TMEM150C: variants seen among roughly 807,000 people sequenced by gnomAD.
The protein encoded by TMEM150C is tentonin 3.
Under a neutral mutation model 29.9 loss-of-function variants are expected in TMEM150C, and 10 were observed. That is an observed-to-expected ratio of 0.33 (90% confidence interval 0.21 to 0.57). TMEM150C has a LOEUF of 0.57. TMEM150C is among the 20% of genes least tolerant of loss of function. TMEM150C has a pLI of 0.88. For synonymous variants in TMEM150C, 101 were observed against 112.5 expected, an observed-to-expected ratio of 0.90 and a Z score of 0.64; for missense variants, 251 against 303.6, an observed-to-expected ratio of 0.83 and a Z score of 1.29.
chr4:82,524,545 A>C (rs1470560699), intron 1 of TMEM150C, among the ~76,000 whole-genome samples: 1 of 152,172 alleles, frequency 6.6e-6, no homozygotes, highest in Non-Finnish European at 1.5e-5. Context: ...AATTGTCTTT[A>C]TGATGTCTTT....
chr4:82,503,821 G>A (rs761092635), intron 2 of TMEM150C, among the ~76,000 whole-genome samples: 7 of 151,782 alleles, frequency 4.6e-5, no homozygotes, highest in Non-Finnish European at 8.8e-5. Context: ...CTGCACTTCA[G>A]CCTGGCAACA....
chr4:82,506,627 G>T (rs1186686126), intron 1 of TMEM150C, among the ~76,000 whole-genome samples: 3 of 152,126 alleles, frequency 2.0e-5, no homozygotes, highest in Non-Finnish European at 4.4e-5. Flanking sequence ...AACATTCTAC[G>T]CAATATATAA....
At chr4:82,537,881 T>G (rs1725062833) in intron 1 of TMEM150C, among the ~76,000 whole-genome samples, 1 of 152,200 alleles carries the variant, frequency 6.6e-6, no homozygotes, top group Admixed American at 6.5e-5. Context: ...AGGGCGCTGC[T>G]GACAACTTGG....
intron 6 of TMEM150C, 158 bp downstream of exon 6, chr4:82,495,910 A>G (rs745434097): frequency 9.2e-6 from 8 of 866,256 alleles, no homozygotes; most frequent in Non-Finnish European, 1.2e-5. Context: ...GCAGCTGAAC[A>G]GCTCCGAGTT....
At chr4:82,512,689 G>A (rs766790341) in intron 1 of TMEM150C, among the ~76,000 whole-genome samples, 12 of 152,170 alleles carry the variant, frequency 7.9e-5, no homozygotes, top group Non-Finnish European at 1.6e-4. Context: ...ATGGGGTGAT[G>A]AAAAAGTTTC....
At chr4:82,521,289 C>T (rs1384610488) in intron 1 of TMEM150C, among the ~76,000 whole-genome samples, 1 of 152,172 alleles carries the variant, frequency 6.6e-6, no homozygotes, top group Non-Finnish European at 1.5e-5. Context: ...GGATTTTTAC[C>T]TTTTGCTCCT....
chr4:82,502,657 G>C (rs1008919636), intron 5 of TMEM150C, 70 bp downstream of exon 5: 11 of 1,451,890 alleles, frequency 7.6e-6, no homozygotes, highest in Middle Eastern at 3.4e-4. Context: ...TTTTGACAAG[G>C]GTTTGGGAGA....
Position 82,485,082 on chromosome 4 carries a change from G to A in TMEM150C, c.*429C>T. 1 of 179,114 alleles carries A rather than the reference G, an allele frequency of 5.6e-6. No individual in the cohort carries two copies. The highest frequency in any genetic ancestry group is 1.4e-4 in the South Asian group (1 of 7,382). 11.1% of individuals were successfully genotyped at this position (179,114 alleles called of 1,614,324 possible). A position where few individuals can be genotyped will look rare whatever the true frequency, so the allele number is the denominator to read the frequency against. ...CACTATTATCCACTCAAGAATATTAGTGCCAGATTCAGAACTTCCTCACGA... is the reference window on the plus strand; with the variant it reads ...CACTATTATCCACTCAAGAATATTAATGCCAGATTCAGAACTTCCTCACGA... On this transcript the variant is annotated 3_prime_UTR_variant, in exon 8 of 8. Coordinates refer to ENST00000449862, the MANE Select transcript of TMEM150C (RefSeq NM_001080506.3).
intron 6 of TMEM150C, among the ~76,000 whole-genome samples, chr4:82,493,148 A>G (rs1229835362): frequency 6.6e-6 from 1 of 151,612 alleles, no homozygotes; most frequent in Non-Finnish European, 1.5e-5. Flanking sequence ...ATTGTTGTTC[A>G]TAAGGGTTGC....
At chr4:82,553,995 A>T (rs567200959) in intron 1 of TMEM150C, among the ~76,000 whole-genome samples, 1 of 152,356 alleles carries the variant, frequency 6.6e-6, no homozygotes, top group South Asian at 2.1e-4. Context: ...CAGAAAAGAT[A>T]ATCAGCTTCC....
chr4:82,546,366 T>A (rs1725386112), intron 1 of TMEM150C, among the ~76,000 whole-genome samples: 1 of 152,150 alleles, frequency 6.6e-6, no homozygotes, highest in East Asian at 1.9e-4. Context: ...CAAAACAGCA[T>A]AGTACTGGTA....
chr4:82,499,714 G>T (rs550772779), intron 5 of TMEM150C, among the ~76,000 whole-genome samples: 1 of 80,806 alleles, frequency 1.2e-5, no homozygotes, highest in East Asian at 3.5e-4. Flanking sequence ...CAGAGACTCC[G>T]TCTCCAAAAA....
chr4:82,539,577 C>G (rs1362204605), intron 1 of TMEM150C, among the ~76,000 whole-genome samples: 4 of 152,064 alleles, frequency 2.6e-5, no homozygotes, highest in African/African-American at 4.8e-5. Context: ...CTCCGACTCC[C>G]GAGTAGCTGG....
At chr4:82,510,211 G>A (rs561716314) in intron 1 of TMEM150C, among the ~76,000 whole-genome samples, 26 of 152,156 alleles carry the variant, frequency 1.7e-4, no homozygotes, top group Non-Finnish European at 2.5e-4. Flanking sequence ...CCCGGGAGGC[G>A]GAGGTTGCAG....
chr4:82,504,363 C>A (rs1352466175), intron 2 of TMEM150C, among the ~76,000 whole-genome samples: 1 of 152,008 alleles, frequency 6.6e-6, no homozygotes, highest in African/African-American at 2.4e-5. Flanking sequence ...GCCATCACAC[C>A]CGGCTAACTT....
In TMEM150C at chr4:82,502,910, T is replaced by A; in HGVS notation, c.152A>T (p.His51Leu). The part of the protein sequence containing the change: ...NSAERKPGVK[H>L]APYISIAGDD... ...GCTGGGTTACCTTATATATGGTGCA[T>A]GCTTCACACCAGGTTTCCTGGATAA... is the stretch of plus-strand genomic sequence containing the variant. Residue 51 changes from histidine to leucine, a missense_variant, in exon 4 of 8, where the codon CAT becomes CTT. Coordinates refer to ENST00000449862, the MANE Select transcript of TMEM150C (RefSeq NM_001080506.3). 6.3e-7 allele frequency: 1 copy of A among 1,597,416 alleles called. No homozygotes were observed. The highest frequency in any genetic ancestry group is 8.5e-7 in the Non-Finnish European group (1 of 1,171,296).
chr4:82,546,011 C>T (rs1011007791), intron 1 of TMEM150C, among the ~76,000 whole-genome samples: 3 of 151,798 alleles, frequency 2.0e-5, no homozygotes, highest in Admixed American at 6.6e-5. Flanking sequence ...AACAAAAAAT[C>T]TAGGAATATA....
intron 1 of TMEM150C, among the ~76,000 whole-genome samples, chr4:82,554,223 T>C (rs1725667565): frequency 6.6e-6 from 1 of 152,230 alleles, no homozygotes; most frequent in Non-Finnish European, 1.5e-5. Flanking sequence ...TCAGTGTTTC[T>C]ATATAAATAT....
intron 7 of TMEM150C, among the ~76,000 whole-genome samples, chr4:82,489,062 A>ATTT (rs576894576): frequency 1.9e-4 from 24 of 126,070 alleles, no homozygotes; most frequent in South Asian, 1.0e-3. Context: ...GGATTTTTAG[A>ATTT]TTTTTTTTTT....
Sources: allele counts gnomAD v4.1 joint callset (sites outside exome capture counted in the v4.1 genomes callset), GRCh38; gene constraint gnomAD v4.1.1; transcripts MANE v1.5; gene names NCBI Gene and HGNC (gene_info 2026-07-23, HGNC 2026-07-21).